LDLRAP1: variants seen among roughly 807,000 people sequenced by gnomAD.
LDLRAP1 encodes low density lipoprotein receptor adaptor protein 1.
In LDLRAP1, 30 loss-of-function variants were observed where a neutral mutation model predicts 37.8. The ratio of observed to expected loss-of-function variants is 0.79; its 90% CI spans 0.59 to 1.08. LDLRAP1 has a LOEUF of 1.08. LDLRAP1 is among the 50% of genes least tolerant of loss of function. The pLI is 0.00. For missense variants in LDLRAP1, 375 were observed against 401.6 expected (o/e 0.93, Z 0.57); for synonymous variants, 156 against 169.8 (o/e 0.92, Z 0.63).
At chr1:25,571,873 C>T (rs895524617), downstream of LDLRAP1, among the ~76,000 whole-genome samples, 6 of 152,236 alleles carry the variant, frequency 3.9e-5, no homozygotes, top group Non-Finnish European at 1.5e-5. Context: ...ATTCTGACTG[C>T]ACCTGCTGAG....
chr1:25,543,922 C>G (rs1438716027), intron 1 of LDLRAP1, 136 bp downstream of exon 1: 1 of 467,614 alleles, frequency 2.1e-6, no homozygotes, highest in South Asian at 1.1e-4. Context: ...TGGCCCTTTC[C>G]CGGCCCTGCG....
In LDLRAP1 at chr1:25,554,063, C is replaced by T. The variant is rs529376173; in HGVS notation, c.230C>T (p.Thr77Ile). 1.2e-6 allele frequency: 2 copies of T among 1,613,794 alleles called. No homozygotes were observed. Among genetic ancestry groups the T allele is most frequent in the Admixed American group, 1.7e-5 (1 of 60,024 alleles). ...SAAAIKRIVA[T>I]AKASGKKLQK... ...GCCGCCATCAAGAGGATCGTGGCTACAGTGAGCACCCCAGTCAGGAAGGGT... is the reference window on the plus strand; with the variant it reads ...GCCGCCATCAAGAGGATCGTGGCTATAGTGAGCACCCCAGTCAGGAAGGGT... Residue 77 changes from threonine (T) to isoleucine (I), a missense_variant and splice_region_variant, in exon 2 of 9, where the codon ACA (threonine) becomes ATA (isoleucine). Physicochemically the swap from Thr to Ile is moderately conservative, Grantham distance 89 (BLOSUM62 -1). Coordinates refer to ENST00000374338, the MANE Select transcript of LDLRAP1 (RefSeq NM_015627.3). This position sits in a 1 kb window ranked among gnomAD's most constrained non-coding sequence, Gnocchi z 5.4.
At position 25,544,031 on chromosome 1, in the gene LDLRAP1, G is replaced by A. The variant is rs1399737225; in HGVS notation, c.88+245G>A. ...CGCTGAGGAAGGAGCCCGAGCTCGGGGTCCTCAGGTGCAGCCGGCATGGGG... is the reference window on the plus strand; with the variant it reads ...CGCTGAGGAAGGAGCCCGAGCTCGGAGTCCTCAGGTGCAGCCGGCATGGGG... On this transcript the variant is annotated intron_variant, in intron 1 of 8. Transcript: ENST00000374338. This position sits in a 1 kb window ranked among gnomAD's most constrained non-coding sequence, Gnocchi z 4.8. 6.6e-6 allele frequency among the ~76,000 whole-genome samples: 1 copy of A among 152,102 alleles called. No individual in the cohort carries two copies. The highest frequency in any genetic ancestry group is 1.5e-5 in the Non-Finnish European group (1 of 67,992).
chr1:25,558,695 T>C (rs948270290), intron 4 of LDLRAP1, among the ~76,000 whole-genome samples: 1 of 152,202 alleles, frequency 6.6e-6, no homozygotes, highest in African/African-American at 2.4e-5. Context: ...CTGACTCTCC[T>C]ACCCCGCTCA....
chr1:25,575,656 T>C, the LDLRAP1 span, among the ~76,000 whole-genome samples: 1 of 152,222 alleles, frequency 6.6e-6, no homozygotes, highest in Non-Finnish European at 1.5e-5. Flanking sequence ...TCAAAAACCT[T>C]AGTCAAATGG....
At position 25,567,198 on chromosome 1, in the gene LDLRAP1, G is replaced by C; in HGVS notation, c.*206G>C. The C allele has an allele frequency of 1.6e-6, 1 of 637,522 alleles. No homozygotes were observed. The highest frequency in any genetic ancestry group is 2.8e-5 in the East Asian group (1 of 36,054). The allele number at this position is 637,522 out of a possible 1,614,324, so 39.5% of individuals were successfully genotyped here. ...TTCTCTGAGAACCAAAAGATGCCTT[G>C]AATATTTATTCAGTGACTTCTGGCT... On this transcript the variant is annotated 3_prime_UTR_variant, in exon 9 of 9. Coordinates refer to ENST00000374338, the MANE Select transcript of LDLRAP1 (RefSeq NM_015627.3).
chr1:25,586,546 ATGTG>A, the LDLRAP1 span, among the ~76,000 whole-genome samples: 428 of 150,102 alleles, frequency 2.9e-3, 2 homozygotes, highest in African/African-American at 9.3e-3. This position sits in a 1 kb window ranked among gnomAD's most constrained non-coding sequence, Gnocchi z 4.3. Context: ...GTATGTGTGC[ATGTG>A]TGTGTGTGTA....
At chr1:25,557,520 C>G in intron 4 of LDLRAP1, 1 of 560,408 alleles carries the variant, frequency 1.8e-6, no homozygotes, top group Non-Finnish European at 3.2e-6. Context: ...GTGTCTGGGC[C>G]TGTTCTCTCT....
chr1:25,568,795 C>T lies in LDLRAP1; in HGVS notation c.*1803C>T, dbSNP rs2124706862. 6.6e-6 allele frequency: 1 copy of T among 152,376 alleles called. No individual in the cohort carries two copies. Among genetic ancestry groups the T allele is most frequent in the Middle Eastern group, 3.4e-3 (1 of 294 alleles). 9.4% of individuals were successfully genotyped at this position (152,376 alleles called of 1,614,324 possible). A position where few individuals can be genotyped will look rare whatever the true frequency, so the allele number is the denominator to read the frequency against. On this transcript the variant is annotated 3_prime_UTR_variant, in exon 9 of 9. Transcript: ENST00000374338. ...GGTTGACGGGCTGTCCGTGTGCCTC[C>T]TGTGTGTCTGCAGACAAGTCTTGCT...
chr1:25,575,663 A>G, the LDLRAP1 span, among the ~76,000 whole-genome samples: 1 of 152,124 alleles, frequency 6.6e-6, no homozygotes, highest in Non-Finnish European at 1.5e-5. Context: ...CCTTAGTCAA[A>G]TGGCTGCTCC....
intron 4 of LDLRAP1, among the ~76,000 whole-genome samples, chr1:25,561,311 A>G (rs2044337591): frequency 6.6e-6 from 1 of 152,264 alleles, no homozygotes; most frequent in African/African-American, 2.4e-5. Context: ...AAGTTTTGCC[A>G]TAAAGTGCCT....
At chr1:25,579,929 C>T in the LDLRAP1 span, among the ~76,000 whole-genome samples, 2 of 152,208 alleles carry the variant, frequency 1.3e-5, no homozygotes, top group African/African-American at 2.4e-5. Context: ...AACCCACCCC[C>T]TCCAACCAAT....
At chr1:25,575,376 G>A in the LDLRAP1 span, among the ~76,000 whole-genome samples, 5 of 148,750 alleles carry the variant, frequency 3.4e-5, no homozygotes, top group African/African-American at 1.0e-4. Context: ...ACTAGAGTCC[G>A]GAAATTTGAG....
At chr1:25,557,486 G>A (rs2044234897) in intron 4 of LDLRAP1, 1 of 590,814 alleles carries the variant, frequency 1.7e-6, no homozygotes, top group Non-Finnish European at 3.0e-6. Flanking sequence ...TGTGTGGGCA[G>A]TAGCTGGCCC....
At chr1:25,549,011 C>T (rs1261538644) in intron 1 of LDLRAP1, among the ~76,000 whole-genome samples, 1 of 152,208 alleles carries the variant, frequency 6.6e-6, no homozygotes, top group East Asian at 1.9e-4. Context: ...TGACTATGAA[C>T]TCCACAGCCC....
intron 1 of LDLRAP1, 26 bp downstream of exon 1, chr1:25,543,812 C>A: frequency 8.3e-7 from 1 of 1,197,650 alleles, no homozygotes; most frequent in South Asian, 4.2e-5. Context: ...TCAGCCGGGC[C>A]GGGCCGGGAT....
At chr1:25,547,253 T>C (rs971539700) in intron 1 of LDLRAP1, among the ~76,000 whole-genome samples, 1 of 151,846 alleles carries the variant, frequency 6.6e-6, no homozygotes, top group Admixed American at 6.6e-5. Flanking sequence ...GAGACCAAGG[T>C]GGGCAGATCA....
chr1:25,546,764 A>G (rs1267169851), intron 1 of LDLRAP1, among the ~76,000 whole-genome samples: 1 of 152,236 alleles, frequency 6.6e-6, no homozygotes, highest in African/African-American at 2.4e-5. Flanking sequence ...TAATATTTAT[A>G]ATAAAGGATA....
chr1:25,588,671 G>A, the LDLRAP1 span, among the ~76,000 whole-genome samples: 3 of 152,298 alleles, frequency 2.0e-5, no homozygotes, highest in African/African-American at 2.4e-5. Flanking sequence ...AGAGGCCGGC[G>A]TGGATCCTCC....
Sources: gnomAD v4.1 joint callset for allele counts (sites outside exome capture counted in the v4.1 genomes callset) on GRCh38, gnomAD v4.1.1 for gene constraint, Gnocchi (gnomAD v3.1) non-coding constraint, MANE v1.5 for transcripts, NCBI Gene and HGNC (gene_info 2026-07-23, HGNC 2026-07-21) for gene names.